Variants in EFCAB5 observed in about 807,000 individuals in gnomAD.
EFCAB5 encodes the protein EF-hand calcium binding domain 5.
Under a neutral mutation model 167.9 loss-of-function variants are expected in EFCAB5, and 131 were observed. The ratio of observed to expected loss-of-function variants is 0.78; its 90% CI spans 0.68 to 0.90. The LOEUF (loss-of-function observed/expected upper bound fraction) is 0.90. EFCAB5 is among the 40% of genes least tolerant of loss of function. EFCAB5 has a pLI of 0.00. For synonymous variants in EFCAB5, 574 were observed against 602.8 expected, an observed-to-expected ratio of 0.95 and a Z score of 0.70; for missense variants, 1,663 against 1,745.2, an observed-to-expected ratio of 0.95 and a Z score of 0.84.
chr17:30,026,601 C>T (rs1844409106), intron 7 of EFCAB5, among the ~76,000 whole-genome samples: 1 of 151,960 alleles, frequency 6.6e-6, no homozygotes, highest in Non-Finnish European at 1.5e-5. Context: ...CTTTTATTTC[C>T]AGGACTTTTT....
chr17:29,949,098 G>A (rs2067459530), intron 3 of EFCAB5, among the ~76,000 whole-genome samples: 1 of 152,152 alleles, frequency 6.6e-6, no homozygotes, highest in Non-Finnish European at 1.5e-5. Flanking sequence ...ACCCACTAAT[G>A]TTATATGCCT....
intron 15 of EFCAB5, among the ~76,000 whole-genome samples, chr17:30,079,006 G>A (rs1382994615): frequency 6.6e-6 from 1 of 152,174 alleles, no homozygotes; most frequent in Non-Finnish European, 1.5e-5. Flanking sequence ...AGAACGCATG[G>A]CCCTGAGGGG....
At chr17:30,063,213 G>A (rs930484348) in intron 14 of EFCAB5, among the ~76,000 whole-genome samples, 5 of 152,076 alleles carry the variant, frequency 3.3e-5, no homozygotes, top group Admixed American at 6.6e-5. Context: ...TCTTTTCCTT[G>A]TACTCCCTAA....
At position 29,944,622 on chromosome 17, in the gene EFCAB5, G is replaced by GTTTTT. The variant is rs1442294530; in HGVS notation, c.190+977_190+978insTTTTT. Among the ~76,000 whole-genome samples the GTTTTT allele has an allele frequency of 1.3e-4, 18 of 134,156 alleles. 1 individual carries two copies. The highest frequency in any genetic ancestry group is 2.4e-4 in the South Asian group (1 of 4,152). 88.0% of individuals were successfully genotyped at this position (134,156 alleles called of 152,430 possible). ...TTGTTTTTTTGTTGTTTTCTGTTTT[G>GTTTTT]TTTTGTTTTTTTTTTTTTGAGACGA... On this transcript the variant is annotated intron_variant, in intron 3 of 22. Transcript: ENST00000394835.
chr17:29,961,745 A>C (rs554278900), intron 3 of EFCAB5, among the ~76,000 whole-genome samples: 52 of 152,054 alleles, frequency 3.4e-4, no homozygotes, highest in Admixed American at 1.4e-3. Context: ...TGCATCACCA[A>C]GCCTGGCTAA....
chr17:29,986,637 ATTTTTTTTTTTTT>A (rs911310972), intron 4 of EFCAB5, among the ~76,000 whole-genome samples: 12 of 58,082 alleles, frequency 2.1e-4, no homozygotes, highest in Non-Finnish European at 1.6e-4. Context: ...GAGTATATTC[ATTTTTTTTTTTTT>A]TTTTTTTTTT....
intron 5 of EFCAB5, among the ~76,000 whole-genome samples, chr17:29,995,587 G>C (rs530112572): frequency 3.3e-5 from 5 of 152,294 alleles, no homozygotes; most frequent in African/African-American, 1.2e-4. Flanking sequence ...TCTTGTCTGC[G>C]TCTGATCTGG....
intron 8 of EFCAB5, among the ~76,000 whole-genome samples, chr17:30,050,445 T>TTTTTTG (rs2070059628): frequency 6.6e-6 from 1 of 152,120 alleles, no homozygotes; most frequent in East Asian, 1.9e-4. Context: ...TATATCAGGT[T>TTTTTTG]TTTTTGTTTT....
intron 19 of EFCAB5, among the ~76,000 whole-genome samples, chr17:30,089,255 C>G (rs969567392): frequency 6.6e-6 from 1 of 151,952 alleles, no homozygotes; most frequent in Non-Finnish European, 1.5e-5. Context: ...CCAATGGGCT[C>G]TATTGTTATT....
rs2070165338 is a variant in EFCAB5, at chr17:30,053,617, G to T, written c.1663G>T (p.Glu555Ter). The change falls in exon 10 of 23, where the codon GAA (glutamate) becomes TAA (stop). Residue 555 changes from glutamate to a stop codon, truncating the protein, a stop_gained. Coordinates refer to ENST00000394835, the MANE Select transcript of EFCAB5 (RefSeq NM_198529.4). LOFTEE classifies it high-confidence loss of function. Reference sequence around the variant, plus strand: ...AGGAACACACACAGAGTCAACTCTAGAACAAGGGTCAAGTAGAAGGTTACT... The same window carrying T: ...AGGAACACACACAGAGTCAACTCTATAACAAGGGTCAAGTAGAAGGTTACT... ...EPGTHTESTL[E>*]QGSSRRLLTE... 1 of 1,613,752 alleles carries T rather than the reference G, an allele frequency of 6.2e-7. No individual in the cohort carries two copies. Among genetic ancestry groups the T allele is most frequent in the East Asian group, 2.2e-5 (1 of 44,888 alleles).
At chr17:29,930,155 C>T in intron 1 of EFCAB5, 1 of 686,744 alleles carries the variant, frequency 1.5e-6, no homozygotes, top group South Asian at 1.9e-5. Context: ...GACTCCGCAC[C>T]CACCACCAGA....
chr17:29,935,311 T>A (rs992030527), intron 1 of EFCAB5, among the ~76,000 whole-genome samples: 2 of 152,022 alleles, frequency 1.3e-5, no homozygotes, highest in African/African-American at 4.8e-5. Flanking sequence ...GTAAGTCCAG[T>A]ACTTTGGGAG....
In EFCAB5 at chr17:30,057,942, A is replaced by G. The variant is rs77423573; in HGVS notation, c.2580+52A>G. On this transcript the variant is annotated intron_variant, in intron 13 of 22. Transcript: ENST00000394835. ...CAAGTGAGGTCACTATTATAAGTAA[A>G]TCTCTCAACCTCAGTTGCTCCCGAT... 4.5e-4 allele frequency: 675 copies of G among 1,515,982 alleles called. 4 individuals are homozygous for G. The African/African-American group carries it at 8.4e-3, about 19-fold the overall frequency. The allele number at this position is 1,515,982 out of a possible 1,614,324, so 93.9% of individuals were successfully genotyped here. A position where few individuals can be genotyped will look rare whatever the true frequency, so the allele number is the denominator to read the frequency against.
At chr17:29,957,779 G>A (rs1160132023) in intron 3 of EFCAB5, among the ~76,000 whole-genome samples, 1 of 152,138 alleles carries the variant, frequency 6.6e-6, no homozygotes, top group Non-Finnish European at 1.5e-5. Context: ...GAATAGAGCT[G>A]TAATGAACAT....
chr17:29,943,972 C>CA (rs1360214425), intron 3 of EFCAB5, among the ~76,000 whole-genome samples: 3 of 151,928 alleles, frequency 2.0e-5, no homozygotes, highest in Non-Finnish European at 2.9e-5. Flanking sequence ...AACTCCATCT[C>CA]AAAAAAATAA....
intron 7 of EFCAB5, among the ~76,000 whole-genome samples, chr17:30,020,391 G>A (rs1335183664): frequency 1.4e-5 from 2 of 142,556 alleles, no homozygotes; most frequent in Admixed American, 7.2e-5. Context: ...TTGAGACAGA[G>A]TCTCTCTCTG....
At chr17:30,012,989 G>C (rs926383151) in intron 7 of EFCAB5, among the ~76,000 whole-genome samples, 1 of 152,144 alleles carries the variant, frequency 6.6e-6, no homozygotes, top group African/African-American at 2.4e-5. Context: ...TCAATACCTA[G>C]TTTATTGAGA....
At chr17:30,094,358 T>C (rs1023075590) in intron 22 of EFCAB5, among the ~76,000 whole-genome samples, 8 of 151,960 alleles carry the variant, frequency 5.3e-5, no homozygotes, top group African/African-American at 1.9e-4. Flanking sequence ...ATAATAATAA[T>C]TTTTTTAAAA....
chr17:29,989,304 C>A (rs1336550572), intron 4 of EFCAB5, among the ~76,000 whole-genome samples: 1 of 152,170 alleles, frequency 6.6e-6, no homozygotes, highest in Non-Finnish European at 1.5e-5. Flanking sequence ...TGGGGGCAAG[C>A]ACAAAGTATA....
Sources: gnomAD v4.1 joint callset for allele counts (sites outside exome capture counted in the v4.1 genomes callset) on GRCh38, gnomAD v4.1.1 for gene constraint, MANE v1.5 for transcripts, NCBI Gene and HGNC (gene_info 2026-07-23, HGNC 2026-07-21) for gene names.